ZFHX3: variants seen among roughly 807,000 people sequenced by gnomAD.
ZFHX3 encodes zinc finger homeobox 3.
ZFHX3 carries 42 observed loss-of-function variants against 279.1 expected under a neutral mutation model. The observed-to-expected ratio is 0.15, with a 90% CI of 0.12 to 0.19. ZFHX3 has a LOEUF of 0.19. Ranked by LOEUF, ZFHX3 falls within the 10% of genes least tolerant of loss-of-function variation. The pLI is 1.00. For synonymous variants in ZFHX3, 2,293 were observed against 1,957.8 expected (o/e 1.17, Z -4.52); for missense variants, 4,981 against 4,754.0 (o/e 1.05, Z -1.40).
intron 2 of ZFHX3, among the ~76,000 whole-genome samples, chr16:72,953,298 G>GAAA (rs11369582): frequency 7.2e-6 from 1 of 138,224 alleles, no homozygotes; most frequent in African/African-American, 2.6e-5. Flanking sequence ...AAAGGAAAAA[G>GAAA]AAAAAAAAAA....
intron 3 of ZFHX3, among the ~76,000 whole-genome samples, chr16:73,437,845 T>G (rs769018602): frequency 1.3e-5 from 2 of 152,228 alleles, no homozygotes; most frequent in African/African-American, 2.4e-5. Context: ...CCATTATGCA[T>G]GAATGCGTTT....
rs183945902 is a variant in ZFHX3 at position 73,571,744 on chromosome 16, C to T, written c.-1547+108436G>A. 1.4e-4 allele frequency among the ~76,000 whole-genome samples: 22 copies of T among 152,208 alleles called. No individual in the cohort carries two copies. The East Asian group carries it at 4.2e-3, about 29-fold the overall frequency. ...TACTTCTTAAATACTGGTGTGAAAA[C>T]ACTAAGTCGAAATTCATGACACAAA... is the stretch of plus-strand genomic sequence containing the variant. On this transcript the variant is annotated intron_variant, in intron 2 of 17. Coordinates refer to the ZFHX3 transcript ENST00000641206.
intron 8 of ZFHX3, among the ~76,000 whole-genome samples, chr16:73,076,761 G>C (rs1481895413): frequency 1.3e-5 from 2 of 152,170 alleles, no homozygotes; most frequent in Non-Finnish European, 2.9e-5. Context: ...AGAGAAGCCT[G>C]AGAACCGATC....
intron 4 of ZFHX3, among the ~76,000 whole-genome samples, chr16:72,834,124 G>A (rs1357384769): frequency 2.0e-5 from 3 of 152,158 alleles, no homozygotes; most frequent in Non-Finnish European, 4.4e-5. Context: ...GCACATGCTT[G>A]TAGTCGTAGC....
rs983913844 is a variant in ZFHX3 at position 73,472,244 on chromosome 16, G to A, written c.-1546-15986C>T. On this transcript the variant is annotated intron_variant, in intron 2 of 17. Coordinates refer to the ZFHX3 transcript ENST00000641206. ...TGAGCCCATGTTTTCAGACTCTCAG[G>A]TCAGGATTCTACTTTTTAAATCTTA... Among the ~76,000 whole-genome samples, 5 of 147,142 alleles carry A rather than the reference G, an allele frequency of 3.4e-5. No homozygotes were observed. The Middle Eastern group carries it at 0.01, about 307-fold the overall frequency.
At chr16:73,020,326 A>G (rs1964255288) in intron 1 of ZFHX3, among the ~76,000 whole-genome samples, 1 of 152,228 alleles carries the variant, frequency 6.6e-6, no homozygotes, top group Admixed American at 6.5e-5. Flanking sequence ...GCCCAAGGAA[A>G]CCACGAAGAG....
intron 5 of ZFHX3, among the ~76,000 whole-genome samples, chr16:73,209,331 G>A (rs2011923788): frequency 6.6e-6 from 1 of 152,108 alleles, no homozygotes; most frequent in Non-Finnish European, 1.5e-5. Flanking sequence ...CCATAGCCTG[G>A]GTAATTTATG....
At chr16:72,921,595 G>A (rs1451857043) in intron 3 of ZFHX3, among the ~76,000 whole-genome samples, 1 of 152,232 alleles carries the variant, frequency 6.6e-6, no homozygotes, top group Non-Finnish European at 1.5e-5. Context: ...TAACAGTACG[G>A]TGAGAAGCAT....
At chr16:72,846,736 C>A (rs2037490802) in intron 4 of ZFHX3, among the ~76,000 whole-genome samples, 1 of 152,098 alleles carries the variant, frequency 6.6e-6, no homozygotes, top group Non-Finnish European at 1.5e-5. Flanking sequence ...CATGCATGTG[C>A]AATATATCAG....
intron 2 of ZFHX3, among the ~76,000 whole-genome samples, chr16:73,606,579 T>C (rs2052185548): frequency 6.6e-6 from 1 of 152,274 alleles, no homozygotes; most frequent in East Asian, 1.9e-4. Context: ...AATGAGTTTT[T>C]ATTTTATTTC....
In ZFHX3 at chr16:72,795,160, G is replaced by A; in HGVS notation, c.7522C>T (p.Pro2508Ser). 1 of 1,612,008 alleles carries A rather than the reference G, an allele frequency of 6.2e-7. No homozygotes were observed. The highest frequency in any genetic ancestry group is 1.1e-5 in the South Asian group (1 of 90,736). The change falls in exon 9 of 10, where the codon CCC becomes TCC. Residue 2508 changes from proline (P) to serine (S), a missense_variant. Around this residue, in one of 7 missense-constraint regions of ZFHX3, gnomAD observed 744 missense variants for 701.3 expected, o/e 1.06. Coordinates refer to ENST00000268489, the MANE Select transcript of ZFHX3 (RefSeq NM_006885.4). Reference protein sequence around the residue: ...SPSPSQLSHLPLKPLHTSTPQ... With the variant: ...SPSPSQLSHLSLKPLHTSTPQ... ...GTTGATGTGTGGAGGGGCTTGAGGG[G>A]CAGGTGGGAGAGCTGGGAAGGACTG...
At chr16:72,789,574 T>C (rs956066586) in intron 9 of ZFHX3, 5 of 152,320 alleles carry the variant, frequency 3.3e-5, no homozygotes, top group African/African-American at 1.2e-4. Context: ...CTACAGGTGT[T>C]CCTCCTCTCT....
At chr16:73,802,155 T>G (rs1033056096) in intron 1 of ZFHX3, among the ~76,000 whole-genome samples, 1 of 151,922 alleles carries the variant, frequency 6.6e-6, no homozygotes, top group East Asian at 1.9e-4. Context: ...AGATGCAAAA[T>G]GTGTGACTTT....
chr16:72,876,847 T>C (rs993332372), intron 4 of ZFHX3, among the ~76,000 whole-genome samples: 4 of 152,290 alleles, frequency 2.6e-5, no homozygotes, highest in Admixed American at 1.3e-4. Flanking sequence ...TGAAACATTC[T>C]TTCCAGATAT....
chr16:73,055,774 A>T (rs923532964), intron 1 of ZFHX3, among the ~76,000 whole-genome samples: 2 of 148,404 alleles, frequency 1.3e-5, no homozygotes, highest in Middle Eastern at 3.5e-3. Flanking sequence ...GCTCCACCCC[A>T]GTTTTCTTGG....
At chr16:73,159,820 T>C (rs1250839817) in intron 5 of ZFHX3, among the ~76,000 whole-genome samples, 1 of 152,212 alleles carries the variant, frequency 6.6e-6, no homozygotes, top group Non-Finnish European at 1.5e-5. Context: ...TGGAGTGCAG[T>C]GGCATGATCT....
At chr16:73,205,603 A>G (rs893867901) in intron 5 of ZFHX3, among the ~76,000 whole-genome samples, 7 of 152,188 alleles carry the variant, frequency 4.6e-5, no homozygotes, top group African/African-American at 1.7e-4. Context: ...AACTCTTGTG[A>G]TATTATTTGG....
chr16:73,309,588 C>T (rs1246717634), intron 4 of ZFHX3, among the ~76,000 whole-genome samples: 1 of 152,114 alleles, frequency 6.6e-6, no homozygotes, highest in Non-Finnish European at 1.5e-5. Context: ...GGGGTTTGCC[C>T]TTGATTAGCA....
intron 1 of ZFHX3, among the ~76,000 whole-genome samples, chr16:72,974,797 A>G (rs1357750761): frequency 1.3e-5 from 2 of 152,210 alleles, no homozygotes; most frequent in Non-Finnish European, 2.9e-5. Context: ...GGTCTTCCCC[A>G]TGCCTTGACT....
Sources: gnomAD v4.1 joint callset for allele counts (sites outside exome capture counted in the v4.1 genomes callset) on GRCh38, gnomAD v4.1.1 for gene constraint, gnomAD v4.1.1 regional missense constraint, MANE v1.5 for transcripts, NCBI Gene and HGNC (gene_info 2026-07-23, HGNC 2026-07-21) for gene names.